The following IGSF11 variants were observed in gnomAD, a reference collection of about 807,000 sequenced individuals.
IGSF11 encodes the protein CXADR like 1.
In IGSF11, 22 loss-of-function variants were observed where a neutral mutation model predicts 41.0. The ratio of observed to expected loss-of-function variants is 0.54; its 90% confidence interval spans 0.38 to 0.77. The LOEUF (loss-of-function observed/expected upper bound fraction) is 0.77. IGSF11 is among the 30% of genes least tolerant of loss of function. The probability of loss-of-function intolerance (pLI) is 0.00; values close to 1 mark genes in which losing one functional copy is unlikely to be tolerated. For synonymous variants in IGSF11, 219 were observed against 201.3 expected, an observed-to-expected ratio of 1.09 and a Z score of -0.74; for missense variants, 444 against 530.8, an observed-to-expected ratio of 0.84 and a Z score of 1.61.
At chr3:119,003,310 T>C (rs1167260787) in intron 1 of IGSF11, among the ~76,000 whole-genome samples, 1 of 145,306 alleles carries the variant, frequency 6.9e-6, no homozygotes, top group Non-Finnish European at 1.5e-5. Context: ...TTGTGATTTT[T>C]GTACATTGAT....
At chr3:119,012,209 G>A (rs1352055604) in intron 1 of IGSF11, among the ~76,000 whole-genome samples, 1 of 152,028 alleles carries the variant, frequency 6.6e-6, no homozygotes, top group Non-Finnish European at 1.5e-5. Flanking sequence ...GAGATTCTTG[G>A]GGACCTCTGA....
At chr3:119,139,146 A>G (rs1043670778) in intron 1 of IGSF11, among the ~76,000 whole-genome samples, 3 of 152,184 alleles carry the variant, frequency 2.0e-5, no homozygotes, top group African/African-American at 4.8e-5. Context: ...ATATACACCT[A>G]CTATATAACC....
chr3:119,072,483 T>G (rs1187381585), intron 1 of IGSF11, among the ~76,000 whole-genome samples: 1 of 152,022 alleles, frequency 6.6e-6, no homozygotes, highest in Non-Finnish European at 1.5e-5. Context: ...TCGCGGTGAG[T>G]GTTACAGTTC....
At position 118,902,377 on chromosome 3, in the gene IGSF11, G is replaced by GTAACAGCACT; in HGVS notation, c.*133_*142dup. ...CCATTTTACACATCTTAGTGGCCAA[G>GTAACAGCACT]TAACAGCACTGCCTTCTTCTTTGTG... On this transcript the variant is annotated 3_prime_UTR_variant, in exon 7 of 7. Coordinates refer to ENST00000393775, the MANE Select transcript of IGSF11 (RefSeq NM_001015887.3). 1.5e-6 allele frequency: 1 copy of GTAACAGCACT among 664,448 alleles called. No homozygotes were observed. The highest frequency in any genetic ancestry group is 2.0e-5 in the South Asian group (1 of 50,696). 41.2% of individuals were successfully genotyped at this position (664,448 alleles called of 1,614,324 possible).
intron 1 of IGSF11, among the ~76,000 whole-genome samples, chr3:119,102,374 T>C (rs1362497962): frequency 6.6e-6 from 1 of 152,232 alleles, no homozygotes; most frequent in Admixed American, 6.5e-5. Context: ...TTCCTAGCAT[T>C]GATTGCTGCT....
chr3:118,988,821 T>C (rs1935508132), intron 1 of IGSF11, among the ~76,000 whole-genome samples: 1 of 152,236 alleles, frequency 6.6e-6, no homozygotes, highest in Non-Finnish European at 1.5e-5. Flanking sequence ...GCTAATAATA[T>C]GGAAATGTCT....
intron 1 of IGSF11, among the ~76,000 whole-genome samples, chr3:119,114,344 T>G (rs2107523816): frequency 6.6e-6 from 1 of 152,368 alleles, no homozygotes; most frequent in East Asian, 1.9e-4. Context: ...TAATTCCAGG[T>G]CATTTCTTTG....
At chr3:119,106,292 G>C (rs2077021593), upstream of IGSF11, among the ~76,000 whole-genome samples, 1 of 152,104 alleles carries the variant, frequency 6.6e-6, no homozygotes, top group Non-Finnish European at 1.5e-5. Flanking sequence ...CTATCAAATA[G>C]TAGGTTTTAT....
intron 4 of IGSF11, among the ~76,000 whole-genome samples, chr3:118,908,305 GATA>G (rs1465183297): frequency 6.6e-6 from 1 of 152,172 alleles, no homozygotes; most frequent in South Asian, 2.1e-4. Flanking sequence ...GTTTCTGTAA[GATA>G]ATATTATTAA....
chr3:119,014,698 T>C lies in IGSF11; in HGVS notation c.52+19833A>G, dbSNP rs1408052187. On this transcript the variant is annotated intron_variant, in intron 1 of 6. Transcript: ENST00000393775. ...TTTTAAAAAGATCACTTTACCTCTC[T>C]AGATTTTTTTATTAAATGACATGCA... Among the ~76,000 whole-genome samples the C allele has an allele frequency of 3.9e-5, 6 of 152,336 alleles. No homozygotes were observed. In the East Asian group the frequency reaches 1.2e-3, roughly 29 times the overall value.
intron 1 of IGSF11, among the ~76,000 whole-genome samples, chr3:118,987,866 A>C (rs1164114618): frequency 6.6e-6 from 1 of 152,230 alleles, no homozygotes; most frequent in Non-Finnish European, 1.5e-5. Flanking sequence ...AGAACAATGA[A>C]TGAATAACCA....
chr3:119,112,750 T>A (rs538665267), intron 1 of IGSF11: 2 of 152,794 alleles, frequency 1.3e-5, no homozygotes, highest in African/African-American at 2.4e-5. Context: ...CCTCCCACCA[T>A]ATGTCCTGCA....
chr3:119,118,358 C>T (rs1046369403), intron 1 of IGSF11, among the ~76,000 whole-genome samples: 13 of 152,236 alleles, frequency 8.5e-5, no homozygotes, highest in African/African-American at 3.1e-4. Context: ...GGGGTCAACA[C>T]CACATGGAAG....
intron 1 of IGSF11, among the ~76,000 whole-genome samples, chr3:118,953,684 T>C (rs1944751063): frequency 6.6e-6 from 1 of 152,146 alleles, no homozygotes; most frequent in South Asian, 2.1e-4. Context: ...ATATGTGTGT[T>C]GGCCACTTGT....
At chr3:119,054,655 T>C (rs951859561) in intron 1 of IGSF11, among the ~76,000 whole-genome samples, 1 of 152,230 alleles carries the variant, frequency 6.6e-6, no homozygotes, top group African/African-American at 2.4e-5. Flanking sequence ...AGAATTACCA[T>C]TTGATGCAGC....
chr3:118,970,702 A>C (rs568755308), intron 1 of IGSF11, among the ~76,000 whole-genome samples: 1 of 151,298 alleles, frequency 6.6e-6, no homozygotes, highest in East Asian at 1.9e-4. Flanking sequence ...TACACTCATT[A>C]CTGTGGTTTT....
upstream of IGSF11, among the ~76,000 whole-genome samples, chr3:119,108,493 G>A (rs1427506688): frequency 2.0e-5 from 3 of 150,920 alleles, no homozygotes; most frequent in East Asian, 5.8e-4. Context: ...TTTGGGCTGA[G>A]ACGATGGGGT....
chr3:119,025,017 A>G (rs1939683442), intron 1 of IGSF11, among the ~76,000 whole-genome samples: 1 of 152,220 alleles, frequency 6.6e-6, no homozygotes, highest in South Asian at 2.1e-4. Flanking sequence ...ATTTTAAAAT[A>G]AATTTTAAAA....
chr3:119,098,724 G>C (rs6773865), intron 1 of IGSF11, among the ~76,000 whole-genome samples: 8,216 of 152,236 alleles, frequency 0.054, 350 homozygotes, highest in Admixed American at 0.15. Context: ...AAGGCATTTT[G>C]TGCAATTTAG....
Sources: allele counts gnomAD v4.1 joint callset (sites outside exome capture counted in the v4.1 genomes callset), GRCh38; gene constraint gnomAD v4.1.1; transcripts MANE v1.5; gene names NCBI Gene and HGNC (gene_info 2026-07-23, HGNC 2026-07-21).